The following ASTN2 variants were observed in gnomAD, a reference collection of about 807,000 sequenced individuals.
The protein encoded by ASTN2 is astrotactin-2.
Under a neutral mutation model 139.8 loss-of-function variants are expected in ASTN2, and 54 were observed. That is an observed-to-expected ratio of 0.39 (90% CI 0.31 to 0.48). The LOEUF (loss-of-function observed/expected upper bound fraction) is 0.48, where lower values mean the gene tolerates loss of function less well. ASTN2 is among the 20% of genes least tolerant of loss of function. ASTN2 has a pLI of 0.95. For synonymous variants in ASTN2, 756 were observed against 719.5 expected (o/e 1.05, Z -0.81); for missense variants, 1,565 against 1,725.1 (o/e 0.91, Z 1.64).
intron 16 of ASTN2, among the ~76,000 whole-genome samples, chr9:116,660,056 G>C (rs539453621): frequency 1.3e-5 from 2 of 152,248 alleles, no homozygotes; most frequent in African/African-American, 4.8e-5. Context: ...TAACTAGGTA[G>C]ATGAAATTCC....
At chr9:116,993,872 A>T (rs1266751932) in intron 7 of ASTN2, among the ~76,000 whole-genome samples, 13 of 135,682 alleles carry the variant, frequency 9.6e-5, no homozygotes, top group African/African-American at 3.7e-4. Context: ...ATATATATAT[A>T]TATATTTTAA....
intron 20 of ASTN2, among the ~76,000 whole-genome samples, chr9:116,452,006 C>G (rs1848191491): frequency 6.6e-6 from 1 of 152,074 alleles, no homozygotes; most frequent in African/African-American, 2.4e-5. Flanking sequence ...TCCTCCTTCT[C>G]TTTATTCAGG....
At chr9:117,213,800 A>C (rs1832220088) in intron 3 of ASTN2, among the ~76,000 whole-genome samples, 1 of 152,226 alleles carries the variant, frequency 6.6e-6, no homozygotes, top group Non-Finnish European at 1.5e-5. Flanking sequence ...TCTAGACGGC[A>C]GTGACCAGGA....
At chr9:117,085,685 C>A (rs1828542587) in intron 5 of ASTN2, among the ~76,000 whole-genome samples, 1 of 152,162 alleles carries the variant, frequency 6.6e-6, no homozygotes, top group Admixed American at 6.5e-5. Context: ...CTGGTCCCAG[C>A]CCCTCCCAGG....
chr9:116,534,922 C>T (rs1298976752), intron 19 of ASTN2, among the ~76,000 whole-genome samples: 1 of 152,188 alleles, frequency 6.6e-6, no homozygotes, highest in Non-Finnish European at 1.5e-5. Context: ...CCCTTGTTAA[C>T]TTTCTGTCTC....
chr9:117,033,792 C>A (rs1183014136), intron 6 of ASTN2, among the ~76,000 whole-genome samples: 1 of 152,088 alleles, frequency 6.6e-6, no homozygotes, highest in Non-Finnish European at 1.5e-5. Flanking sequence ...CACCTAGCAT[C>A]CCTGAGCCCC....
intron 19 of ASTN2, among the ~76,000 whole-genome samples, chr9:116,599,498 G>A (rs918480989): frequency 1.3e-5 from 2 of 152,184 alleles, no homozygotes; most frequent in Non-Finnish European, 2.9e-5. Flanking sequence ...TTCATCTGTT[G>A]CTCACAACAA....
At position 116,486,243 on chromosome 9, in the gene ASTN2, C is replaced by T. The variant is rs149400656; in HGVS notation, c.3497+1116G>A. On this transcript the variant is annotated intron_variant, in intron 20 of 22. Transcript: ENST00000313400. ...TCTGTCTTAGTCTCATTCATATCCA[C>T]AGTGCTTAGCGCAGAACCAAAACAC... 2.5e-3 allele frequency among the ~76,000 whole-genome samples: 380 copies of T among 152,320 alleles called. 1 individual carries two copies. The highest frequency in any genetic ancestry group is 8.6e-3 in the African/African-American group (359 of 41,572).
intron 17 of ASTN2, among the ~76,000 whole-genome samples, chr9:116,624,511 G>T (rs191792226): frequency 6.1e-4 from 93 of 152,174 alleles, no homozygotes; most frequent in African/African-American, 2.1e-3. Flanking sequence ...AGAAGGAAGG[G>T]GGCTCTTCTA....
chr9:116,713,741 A>G (rs1828234941), intron 16 of ASTN2, among the ~76,000 whole-genome samples: 1 of 152,190 alleles, frequency 6.6e-6, no homozygotes, highest in Non-Finnish European at 1.5e-5. Flanking sequence ...TTTGGGTTGT[A>G]TATCTTACCC....
At chr9:117,287,847 G>A (rs1349453026) in intron 2 of ASTN2, among the ~76,000 whole-genome samples, 1 of 152,094 alleles carries the variant, frequency 6.6e-6, no homozygotes, top group Non-Finnish European at 1.5e-5. Flanking sequence ...CTGGGTATTA[G>A]GCACCATTGT....
At chr9:116,452,237 A>G (rs1848197309) in intron 20 of ASTN2, among the ~76,000 whole-genome samples, 1 of 152,188 alleles carries the variant, frequency 6.6e-6, no homozygotes, top group Non-Finnish European at 1.5e-5. Context: ...TCTTTATTAT[A>G]TATTGGACAG....
At chr9:116,713,431 C>T (rs1427826667) in intron 16 of ASTN2, among the ~76,000 whole-genome samples, 2 of 152,066 alleles carry the variant, frequency 1.3e-5, no homozygotes, top group African/African-American at 4.8e-5. Context: ...ATCTCTAAGG[C>T]CCGTCTCAGA....
chr9:117,095,708 C>G (rs1828823771), intron 5 of ASTN2, among the ~76,000 whole-genome samples: 1 of 152,194 alleles, frequency 6.6e-6, no homozygotes, highest in Non-Finnish European at 1.5e-5. Context: ...TCAACCCAAC[C>G]TGGGTTTGAA....
rs992634543 is a variant in ASTN2 at position 117,414,663 on chromosome 9, A to AGCCCCG, written c.270_275dup (p.Ala92_Gly93dup). On this transcript the variant is annotated inframe_insertion, in exon 1 of 23. Coordinates refer to ENST00000313400, the MANE Select transcript of ASTN2 (RefSeq NM_001365068.1). The surrounding 1 kb of genome is among the most constrained non-coding windows in gnomAD (Gnocchi z 4.2). The stretch of plus-strand genomic sequence containing the variant: ...CGGCGGCGGCTCCGGCCCCGGTCCC[A>AGCCCCG]GCCCCGGCCCCGGCGCGGGCGCCGC... The AGCCCCG allele has an allele frequency of 1.1e-5, 14 of 1,282,604 alleles. No individual in the cohort carries two copies. Among genetic ancestry groups the AGCCCCG allele is most frequent in the Admixed American group, 4.0e-5 (1 of 24,898 alleles). The allele number at this position is 1,282,604 out of a possible 1,614,324, so 79.5% of individuals were successfully genotyped here.
chr9:116,570,714 A>T (rs1399949301), intron 19 of ASTN2, among the ~76,000 whole-genome samples: 3 of 152,140 alleles, frequency 2.0e-5, no homozygotes, highest in Non-Finnish European at 4.4e-5. Flanking sequence ...TTATTTCTAT[A>T]TCCCAGCACC....
chr9:116,589,908 C>T (rs1372257906), intron 19 of ASTN2, among the ~76,000 whole-genome samples: 1 of 152,188 alleles, frequency 6.6e-6, no homozygotes, highest in African/African-American at 2.4e-5. Context: ...TCAGAACCTT[C>T]CACCCATTTA....
At position 117,291,395 on chromosome 9, in the gene ASTN2, G is replaced by A. The variant is rs139165238; in HGVS notation, c.561C>T (p.Thr187=). ...MSSSGQLAQA[T]APTLQEPSEI... is the part of the protein sequence containing the mutation. ...CCGAGGGCTCCTGGAGAGTGGGGGC[G>A]GTGGCTTGGGCCAGCTGCCCGGAGC... Residue 187 remains threonine (T), a synonymous_variant, in exon 2 of 23, where the codon ACC becomes ACT. Coordinates refer to ENST00000313400, the MANE Select transcript of ASTN2 (RefSeq NM_001365068.1). 9.7e-4 allele frequency: 1,567 copies of A among 1,614,198 alleles called. 20 individuals are homozygous for A. The East Asian group carries it at 0.022, about 23-fold the overall frequency.
intron 3 of ASTN2, among the ~76,000 whole-genome samples, chr9:117,210,282 T>G (rs1288741425): frequency 6.6e-6 from 1 of 151,864 alleles, no homozygotes. Context: ...ATAAACAAAA[T>G]TGATGAACTA....
Sources: gnomAD v4.1 joint callset for allele counts (sites outside exome capture counted in the v4.1 genomes callset) on GRCh38, gnomAD v4.1.1 for gene constraint, Gnocchi (gnomAD v3.1) non-coding constraint, MANE v1.5 for transcripts, NCBI Gene and HGNC (gene_info 2026-07-23, HGNC 2026-07-21) for gene names.